Variants in ERMARD observed in about 807,000 individuals in gnomAD.
ERMARD encodes endoplasmic reticulum membrane-associated RNA degradation protein.
Under a neutral mutation model 83.9 loss-of-function variants are expected in ERMARD, and 71 were observed. The observed-to-expected ratio is 0.85, with a 90% CI of 0.70 to 1.03. The LOEUF (loss-of-function observed/expected upper bound fraction) is 1.03. ERMARD is among the 50% of genes least tolerant of loss of function. The pLI is 0.00. For missense variants in ERMARD, 838 were observed against 810.9 expected, an observed-to-expected ratio of 1.03 and a Z score of -0.41; for synonymous variants, 284 against 298.6, an observed-to-expected ratio of 0.95 and a Z score of 0.50.
At position 169,759,914 on chromosome 6, in the gene ERMARD, A is replaced by G; in HGVS notation, c.682A>G (p.Thr228Ala). Residue 228 changes from threonine to alanine, a missense_variant, in exon 7 of 18, where the codon ACA (threonine) becomes GCA (alanine). Physicochemically the swap from Thr to Ala is moderately conservative, Grantham distance 58. Coordinates refer to ENST00000366773, the MANE Select transcript of ERMARD (RefSeq NM_018341.3). ...LKSYLQNTKL[T>A]LAHRSFISLT... ...GAGTTACCTTCAAAACACTAAACTT[A>G]CATTGGCACATCGCTCTTTCATATC... 6.2e-7 allele frequency: 1 copy of G among 1,614,228 alleles called. No individual in the cohort carries two copies. Among genetic ancestry groups the G allele is most frequent in the Non-Finnish European group, 8.5e-7 (1 of 1,180,044 alleles).
In ERMARD at chr6:169,762,540, G is replaced by T. The variant is rs751923150; in HGVS notation, c.960+9G>T. 8.7e-6 allele frequency: 14 copies of T among 1,605,066 alleles called. No homozygotes were observed. The East Asian group carries it at 2.7e-4, about 31-fold the overall frequency. ...GACTCCTGACTGCTGAGGTAAGCTTGTTTTTATTATTGATTGTGATCATTG... is the reference window on the plus strand; with the variant it reads ...GACTCCTGACTGCTGAGGTAAGCTTTTTTTTATTATTGATTGTGATCATTG... On this transcript the variant is annotated intron_variant, in intron 9 of 17. Transcript: ENST00000366773.
At position 169,768,079 on chromosome 6, in the gene ERMARD, A is replaced by G. The variant is rs748406764; in HGVS notation, c.991-24A>G. 9 of 1,589,148 alleles carry G rather than the reference A, an allele frequency of 5.7e-6. No individual in the cohort carries two copies. In the African/African-American group the frequency reaches 6.7e-5, roughly 12 times the overall value. On this transcript the variant is annotated intron_variant, in intron 10 of 17. Transcript: ENST00000366773. ...TTTATGTATGGGGACCAGTTAACCA[A>G]TGTATTTATTTTTGATGTTTTAGAT...
At chr6:169,765,932 TGTCA>T (rs1467004669) in intron 9 of ERMARD, among the ~76,000 whole-genome samples, 5 of 88,128 alleles carry the variant, frequency 5.7e-5, no homozygotes, top group Non-Finnish European at 9.0e-5. Flanking sequence ...TCACGCTGTC[TGTCA>T]AATCTCACTG....
chr6:169,779,570 C>T (rs1585430784), intron 17 of ERMARD, among the ~76,000 whole-genome samples: 1 of 152,174 alleles, frequency 6.6e-6, no homozygotes, highest in African/African-American at 2.4e-5. Context: ...TCACAGCTCA[C>T]TGCAGCATCG....
rs766676008 is a variant in ERMARD at position 169,760,639 on chromosome 6, C to A, written c.743-3C>A. The A allele has an allele frequency of 5.7e-6, 9 of 1,567,196 alleles. No individual in the cohort carries two copies. In the South Asian group the frequency reaches 1.0e-4, roughly 18 times the overall value. The stretch of plus-strand genomic sequence containing the variant: ...GTGTTTAAAACCGTGTGTTATTTTA[C>A]AGATGTTACTTATGAGGTGCTTTCA... On this transcript the variant is annotated splice_polypyrimidine_tract_variant and splice_region_variant and intron_variant, in intron 7 of 17. Transcript: ENST00000366773.
intron 12 of ERMARD, chr6:169,770,920 G>A (rs979397067): frequency 6.6e-6 from 1 of 151,194 alleles, no homozygotes; most frequent in Admixed American, 6.6e-5. Flanking sequence ...CCTTGTTTGT[G>A]TACATATTGC....
intron 16 of ERMARD, among the ~76,000 whole-genome samples, chr6:169,778,736 C>G (rs1793873423): frequency 6.6e-6 from 1 of 152,244 alleles, no homozygotes; most frequent in Non-Finnish European, 1.5e-5. Context: ...AAAGTAAGAT[C>G]TTAACTTTAA....
At chr6:169,762,226 C>T (rs953457786) in intron 8 of ERMARD, among the ~76,000 whole-genome samples, 1 of 152,158 alleles carries the variant, frequency 6.6e-6, no homozygotes, top group Non-Finnish European at 1.5e-5. Flanking sequence ...GCTAGGACTA[C>T]AGGCAGTGCC....
At chr6:169,762,324 C>G (rs973333003) in intron 8 of ERMARD, 105 bp from the exon 9 acceptor site, 1 of 1,040,254 alleles carries the variant, frequency 9.6e-7, no homozygotes, top group Non-Finnish European at 1.4e-6. Context: ...ATCCTCCCAC[C>G]TTGGCTTCCC....
Position 169,756,300 on chromosome 6 carries a change from C to T in ERMARD, c.316-38C>T, listed in dbSNP as rs374284782. The T allele has an allele frequency of 3.5e-4, 450 of 1,295,030 alleles. 1 individual carries two copies. The highest frequency in any genetic ancestry group is 1.2e-3 in the Middle Eastern group (6 of 4,838). 80.2% of individuals were successfully genotyped at this position (1,295,030 alleles called of 1,614,324 possible). A position where few individuals can be genotyped will look rare whatever the true frequency, so the allele number is the denominator to read the frequency against. On this transcript the variant is annotated intron_variant, in intron 3 of 17. Coordinates refer to ENST00000366773, the MANE Select transcript of ERMARD (RefSeq NM_018341.3). Reference sequence around the variant, plus strand: ...ATATTGTTGCTTTGAGAAGTAGTTTCAGAGTGTACATCCTAATATGTGTTT... The same window carrying T: ...ATATTGTTGCTTTGAGAAGTAGTTTTAGAGTGTACATCCTAATATGTGTTT...
chr6:169,768,396 G>A (rs1792473999), intron 11 of ERMARD, among the ~76,000 whole-genome samples: 1 of 152,164 alleles, frequency 6.6e-6, no homozygotes, highest in Non-Finnish European at 1.5e-5. Flanking sequence ...CTGTCCCTAA[G>A]CAAAATTTGT....
intron 8 of ERMARD, 56 bp downstream of exon 8, chr6:169,760,812 T>C (rs1385503574): frequency 8.3e-7 from 1 of 1,203,632 alleles, no homozygotes; most frequent in African/African-American, 1.5e-5. Context: ...CATTCTTTCT[T>C]GATGCCCTTC....
At chr6:169,769,505 C>A in intron 11 of ERMARD, 35 bp from the exon 12 acceptor site, 1 of 1,572,128 alleles carries the variant, frequency 6.4e-7, no homozygotes, top group Non-Finnish European at 8.6e-7. Context: ...GCTGCGGATA[C>A]TAACAAAATA....
rs1243671035 is a variant in ERMARD, at chr6:169,776,464, G to C, written c.1530G>C (p.Gln510His). The C allele has an allele frequency of 6.2e-7, 1 of 1,613,610 alleles. No individual in the cohort carries two copies. Residue 510 changes from glutamine to histidine, a missense_variant, in exon 16 of 18, where the codon CAG becomes CAC. By Grantham distance (24) the Gln-to-His change is conservative. Transcript: ENST00000366773. The part of the protein sequence containing the change: ...LDRLPTETWP[Q>H]LLRELCSTPV... ...CTGGCTCTGTTTGCAGGTGGCCCCA[G>C]CTTCTCCGTGAGCTCTGCAGCACAC...
chr6:169,766,744 A>T lies in ERMARD; in HGVS notation c.990+77A>T, dbSNP rs1240851974. ...TTTTAAAATACAAATTAAAATGCAAAATTAAAGATCAGCCATAAATCATAT... is the reference window on the plus strand; with the variant it reads ...TTTTAAAATACAAATTAAAATGCAATATTAAAGATCAGCCATAAATCATAT... On this transcript the variant is annotated intron_variant, in intron 10 of 17. Coordinates refer to ENST00000366773, the MANE Select transcript of ERMARD (RefSeq NM_018341.3). 5.7e-6 allele frequency: 8 copies of T among 1,414,832 alleles called. No homozygotes were observed. In the Admixed American group the frequency reaches 1.9e-4, roughly 33 times the overall value. The allele number at this position is 1,414,832 out of a possible 1,614,324, so 87.6% of individuals were successfully genotyped here. A position where few individuals can be genotyped will look rare whatever the true frequency, so the allele number is the denominator to read the frequency against.
chr6:169,781,263 G>A, intron 17 of ERMARD, 67 bp from the exon 18 acceptor site: 1 of 1,387,970 alleles, frequency 7.2e-7, no homozygotes, highest in Non-Finnish European at 9.7e-7. Flanking sequence ...AGAATGAAGT[G>A]AAGACATTTA....
intron 1 of ERMARD, chr6:169,753,423 C>G (rs1405164746): frequency 6.5e-6 from 1 of 154,568 alleles, no homozygotes; most frequent in African/African-American, 2.4e-5. Context: ...TTTCTGCTCT[C>G]CCATTCCCCA....
Position 169,776,589 on chromosome 6 carries a change from T to G in ERMARD, c.1655T>G (p.Val552Gly). ...QCRRVSSQVT[V>G]ASELRHRQWV... ...CGCCGTGTGTCCAGCCAGGTCACCG[T>G]TGCCTCAGAGCTGAGACACAGGCAG... Residue 552 changes from valine (V) to glycine (G), a missense_variant, in exon 16 of 18, where the codon GTT (valine) becomes GGT (glycine). Val to Gly is a moderately radical substitution (Grantham distance 109). Coordinates refer to ENST00000366773, the MANE Select transcript of ERMARD (RefSeq NM_018341.3). 6.2e-7 allele frequency: 1 copy of G among 1,614,230 alleles called. No individual in the cohort carries two copies. Among genetic ancestry groups the G allele is most frequent in the East Asian group, 2.2e-5 (1 of 44,888 alleles).
chr6:169,764,733 C>T (rs539116620), intron 9 of ERMARD, among the ~76,000 whole-genome samples: 1 of 152,258 alleles, frequency 6.6e-6, no homozygotes, highest in East Asian at 1.9e-4. Context: ...TTGGTGTGTT[C>T]CCTGTTTGGA....
Sources: gnomAD v4.1 joint callset for allele counts (sites outside exome capture counted in the v4.1 genomes callset) on GRCh38, gnomAD v4.1.1 for gene constraint, MANE v1.5 for transcripts, NCBI Gene and HGNC (gene_info 2026-07-23, HGNC 2026-07-21) for gene names.